MEP1A: variants seen among roughly 807,000 people sequenced by gnomAD.
The protein encoded by MEP1A is N-benzoyl-L-tyrosyl-P-amino-benzoic acid hydrolase subunit alpha.
A neutral mutation model predicts 84.5 loss-of-function variants in MEP1A; 68 were observed. The ratio of observed to expected loss-of-function variants is 0.80; its 90% CI spans 0.66 to 0.98. The LOEUF (loss-of-function observed/expected upper bound fraction) is 0.98. Ranked by LOEUF, MEP1A falls within the 50% of genes least tolerant of loss-of-function variation. MEP1A has a pLI of 0.00. For missense variants in MEP1A, 887 were observed against 919.9 expected, an observed-to-expected ratio of 0.96 and a Z score of 0.46; for synonymous variants, 337 against 336.8, an observed-to-expected ratio of 1.00 and a Z score of -0.01.
chr6:46,844,649 G>T (rs1768384122), downstream of MEP1A, among the ~76,000 whole-genome samples: 2 of 152,194 alleles, frequency 1.3e-5, no homozygotes, highest in Non-Finnish European at 2.9e-5. Context: ...AGAGCAGGAG[G>T]CAGAGGAGAT....
chr6:46,807,738 G>A (rs1308367017), intron 5 of MEP1A, among the ~76,000 whole-genome samples: 3 of 81,680 alleles, frequency 3.7e-5, no homozygotes, highest in Non-Finnish European at 7.3e-5. Flanking sequence ...ACAGAAGAAG[G>A]AGGGAAGGAA....
At chr6:46,799,854 T>C (rs1767153649) in intron 5 of MEP1A, among the ~76,000 whole-genome samples, 1 of 152,150 alleles carries the variant, frequency 6.6e-6, no homozygotes, top group Non-Finnish European at 1.5e-5. Flanking sequence ...TGAGCAGCCA[T>C]GATGACTCAA....
intron 6 of MEP1A, among the ~76,000 whole-genome samples, chr6:46,816,367 G>A (rs1180904402): frequency 6.6e-6 from 1 of 152,152 alleles, no homozygotes; most frequent in Non-Finnish European, 1.5e-5. Context: ...CAGGCTTACA[G>A]TTACCAGGTG....
chr6:46,814,929 C>A (rs1767598389), intron 6 of MEP1A, among the ~76,000 whole-genome samples: 1 of 152,154 alleles, frequency 6.6e-6, no homozygotes, highest in Non-Finnish European at 1.5e-5. Context: ...GACACCAGCA[C>A]CTGCTCCAGT....
At chr6:46,797,814 CTTT>C in intron 3 of MEP1A, among the ~76,000 whole-genome samples, 1 of 143,616 alleles carries the variant, frequency 7.0e-6, no homozygotes, top group Non-Finnish European at 1.5e-5. Context: ...TTCTTTCTTT[CTTT>C]CTTTCTTTCT....
At chr6:46,821,101 G>A (rs1767763140) in intron 7 of MEP1A, among the ~76,000 whole-genome samples, 1 of 152,158 alleles carries the variant, frequency 6.6e-6, no homozygotes, top group African/African-American at 2.4e-5. Flanking sequence ...CAGGACTGTA[G>A]TAGTTCATTT....
chr6:46,806,551 G>T (rs1767322389), intron 5 of MEP1A, among the ~76,000 whole-genome samples: 1 of 151,960 alleles, frequency 6.6e-6, no homozygotes, highest in African/African-American at 2.4e-5. Flanking sequence ...TTCCTCCACT[G>T]CAGTGGGCAG....
At chr6:46,802,222 C>T (rs899844913) in intron 5 of MEP1A, among the ~76,000 whole-genome samples, 3 of 151,876 alleles carry the variant, frequency 2.0e-5, no homozygotes, top group Non-Finnish European at 4.4e-5. Flanking sequence ...CATGGTACAT[C>T]AGTCCATTTA....
chr6:46,794,612 T>G (rs1003459762), intron 3 of MEP1A, among the ~76,000 whole-genome samples: 1 of 152,208 alleles, frequency 6.6e-6, no homozygotes, highest in Non-Finnish European at 1.5e-5. Context: ...TGGCTTTGTC[T>G]CACTCACAGA....
chr6:46,809,315 C>G, intron 5 of MEP1A, 105 bp from the exon 6 acceptor site: 1 of 716,932 alleles, frequency 1.4e-6, no homozygotes. Flanking sequence ...CTATCATGCA[C>G]CTCTGTGGAT....
At chr6:46,826,776 A>G (rs2150753545) in intron 9 of MEP1A, among the ~76,000 whole-genome samples, 1 of 152,328 alleles carries the variant, frequency 6.6e-6, no homozygotes, top group African/African-American at 2.4e-5. Context: ...CTCTAGAACC[A>G]CACCCTCCTA....
chr6:46,834,122 C>G (rs569664275), intron 11 of MEP1A, among the ~76,000 whole-genome samples: 1 of 151,998 alleles, frequency 6.6e-6, no homozygotes, highest in African/African-American at 2.4e-5. Context: ...GGGGTTTCAC[C>G]GTGTTGCCCA....
At chr6:46,822,321 C>T (rs897276458) in intron 7 of MEP1A, among the ~76,000 whole-genome samples, 4 of 152,080 alleles carry the variant, frequency 2.6e-5, no homozygotes, top group Non-Finnish European at 5.9e-5. Context: ...TTTACAGGAT[C>T]GCATGCCCTG....
At chr6:46,808,721 T>C (rs1346701630) in intron 5 of MEP1A, among the ~76,000 whole-genome samples, 5 of 152,044 alleles carry the variant, frequency 3.3e-5, no homozygotes, top group Non-Finnish European at 2.9e-5. Context: ...CAGTATCTAT[T>C]TTTCCTGCCC....
chr6:46,836,214 G>T (rs928616540), intron 13 of MEP1A, among the ~76,000 whole-genome samples: 4 of 152,306 alleles, frequency 2.6e-5, no homozygotes, highest in Admixed American at 2.6e-4. Context: ...GCTGGGACTT[G>T]CATCTAGGTC....
At chr6:46,807,760 A>AAGGG (rs1767380920) in intron 5 of MEP1A, among the ~76,000 whole-genome samples, 1 of 141,554 alleles carries the variant, frequency 7.1e-6, no homozygotes, top group Non-Finnish European at 1.5e-5. Flanking sequence ...GGAAGGAAGG[A>AAGGG]AGGGAGAAAG....
At chr6:46,802,336 G>A (rs1388071454) in intron 5 of MEP1A, among the ~76,000 whole-genome samples, 1 of 151,586 alleles carries the variant, frequency 6.6e-6, no homozygotes, top group Non-Finnish European at 1.5e-5. Context: ...TATTTTTGAT[G>A]CTATTAAAAT....
downstream of MEP1A, among the ~76,000 whole-genome samples, chr6:46,844,394 C>T (rs1052365717): frequency 2.6e-5 from 4 of 152,094 alleles, no homozygotes; most frequent in African/African-American, 9.6e-5. Context: ...AGAGTAAAGA[C>T]AAGACCCATC....
At chr6:46,794,736 G>A (rs578184583) in intron 3 of MEP1A, among the ~76,000 whole-genome samples, 2 of 152,346 alleles carry the variant, frequency 1.3e-5, no homozygotes, top group South Asian at 4.1e-4. Flanking sequence ...CAAGACTTCA[G>A]AGCCAGGCAC....
Sources: gnomAD v4.1 joint callset for allele counts (sites outside exome capture counted in the v4.1 genomes callset) on GRCh38, gnomAD v4.1.1 for gene constraint, MANE v1.5 for transcripts, NCBI Gene and HGNC (gene_info 2026-07-23, HGNC 2026-07-21) for gene names.